Variants in ATP1A4 observed in about 807,000 individuals in gnomAD.
The protein encoded by ATP1A4 is ATPase Na+/K+ transporting subunit alpha 4.
ATP1A4 carries 90 observed loss-of-function variants against 114.3 expected under a neutral mutation model. The observed-to-expected ratio is 0.79, with a 90% CI of 0.66 to 0.94. The LOEUF is 0.94. ATP1A4 is among the 40% of genes least tolerant of loss of function. The pLI is 0.00. For missense variants in ATP1A4, 1,222 were observed against 1,313.6 expected (o/e 0.93, Z 1.08); for synonymous variants, 511 against 494.1 (o/e 1.03, Z -0.45).
chr1:160,161,038 C>T (rs1046343942), intron 6 of ATP1A4, among the ~76,000 whole-genome samples: 14 of 152,044 alleles, frequency 9.2e-5, no homozygotes, highest in African/African-American at 2.2e-4. Flanking sequence ...GGTGGCATTT[C>T]GACTGGGAAG....
rs1653234636 is a variant in ATP1A4 at position 160,171,036 on chromosome 1, G to C, written c.1492-215G>C. On this transcript the variant is annotated intron_variant, in intron 10 of 21. Coordinates refer to ENST00000368081, the MANE Select transcript of ATP1A4 (RefSeq NM_144699.4). ...GGAGCTTCAGGCTGAGAAGATAATGGAGATTCCTGTGCAAATAATACCAGG... is the reference window on the plus strand; with the variant it reads ...GGAGCTTCAGGCTGAGAAGATAATGCAGATTCCTGTGCAAATAATACCAGG... 5 of 466,422 alleles carry C rather than the reference G, an allele frequency of 1.1e-5. No individual in the cohort carries two copies. In the Admixed American group the frequency reaches 1.4e-4, roughly 13 times the overall value. 28.9% of individuals were successfully genotyped at this position (466,422 alleles called of 1,614,324 possible).
At chr1:160,171,226 T>C (rs778070195) in intron 10 of ATP1A4, 25 bp from the exon 11 acceptor site, 5 of 1,597,928 alleles carry the variant, frequency 3.1e-6, no homozygotes, top group Admixed American at 3.4e-5. Context: ...TCCTGTCCCA[T>C]CAGTGCTCCC....
chr1:160,182,147 A>C, intron 20 of ATP1A4, 116 bp downstream of exon 20: 8 of 793,638 alleles, frequency 1.0e-5, no homozygotes, highest in Non-Finnish European at 1.5e-5. Flanking sequence ...ACATGGAGCT[A>C]CATGTACACT....
At chr1:160,177,072 A>G (rs188340214) in intron 17 of ATP1A4, among the ~76,000 whole-genome samples, 1 of 152,358 alleles carries the variant, frequency 6.6e-6, no homozygotes, top group East Asian at 1.9e-4. Context: ...AGTGAAAAAT[A>G]AGACTGTAGA....
intron 2 of ATP1A4, 57 bp downstream of exon 2, chr1:160,153,281 C>A: frequency 6.6e-7 from 1 of 1,504,036 alleles, no homozygotes; most frequent in Non-Finnish European, 9.2e-7. Context: ...TGTGAGGCTG[C>A]CAGGACAAAA....
chr1:160,174,551 T>C lies in ATP1A4; in HGVS notation c.2143-28T>C, dbSNP rs754172633. The C allele has an allele frequency of 1.9e-6, 3 of 1,604,826 alleles. No individual in the cohort carries two copies. The Admixed American group carries it at 5.0e-5, about 27-fold the overall frequency. On this transcript the variant is annotated intron_variant, in intron 14 of 21. Coordinates refer to ENST00000368081, the MANE Select transcript of ATP1A4 (RefSeq NM_144699.4). ...GTTCTGGATCTGATGCAATAAATTGTTCACTCTCTCTGTCTGGACTTCCTC... is the reference window on the plus strand; with the variant it reads ...GTTCTGGATCTGATGCAATAAATTGCTCACTCTCTCTGTCTGGACTTCCTC...
rs1390139484 is a variant in ATP1A4, at chr1:160,174,598, C to T, written c.2162C>T (p.Thr721Ile). ...CCTCAGGGAGCCGTTGTGGCCGTGACAGGTGACGGGGTGAACGACTCCCCT... is the reference window on the plus strand; with the variant it reads ...CCTCAGGGAGCCGTTGTGGCCGTGATAGGTGACGGGGTGAACGACTCCCCT... ...CQRLGAVVAV[T>I]GDGVNDSPAL... Residue 721 changes from threonine to isoleucine, a missense_variant, in exon 15 of 22, where the codon ACA becomes ATA. Thr to Ile is a moderately conservative substitution (Grantham distance 89). Transcript: ENST00000368081. 1 of 1,613,870 alleles carries T rather than the reference C, an allele frequency of 6.2e-7. No homozygotes were observed. The highest frequency in any genetic ancestry group is 8.5e-7 in the Non-Finnish European group (1 of 1,179,888).
Position 160,167,088 on chromosome 1 carries a change from C to G in ATP1A4, c.1356+11C>G. ...CTGCCCATTGCTAAGGTGTCAGGCCCAAGGGGAAGAGGGTACCTCAGTGTC... is the reference window on the plus strand; with the variant it reads ...CTGCCCATTGCTAAGGTGTCAGGCCGAAGGGGAAGAGGGTACCTCAGTGTC... On this transcript the variant is annotated intron_variant, in intron 9 of 21. Coordinates refer to ENST00000368081, the MANE Select transcript of ATP1A4 (RefSeq NM_144699.4). The G allele has an allele frequency of 1.9e-6, 3 of 1,612,904 alleles. No individual in the cohort carries two copies. Among genetic ancestry groups the G allele is most frequent in the Non-Finnish European group, 2.5e-6 (3 of 1,178,924 alleles).
intron 1 of ATP1A4, 113 bp downstream of exon 1, chr1:160,152,300 C>A (rs1652486625): frequency 3.4e-6 from 4 of 1,193,594 alleles, no homozygotes; most frequent in Admixed American, 5.7e-5. Flanking sequence ...CATCTCTTCT[C>A]TGTTAGGCTT....
chr1:160,158,090 C>G (rs4656886), intron 4 of ATP1A4, among the ~76,000 whole-genome samples: 90,640 of 151,970 alleles, frequency 0.6, 27,277 homozygotes, highest in Admixed American at 0.66. Context: ...GGAGTTTAGG[C>G]ATGGTCGGTT....
chr1:160,151,843 C>G lies in ATP1A4; in HGVS notation c.-198C>G, dbSNP rs1330656607. 6 of 568,192 alleles carry G rather than the reference C, an allele frequency of 1.1e-5. No homozygotes were observed. The highest frequency in any genetic ancestry group is 3.1e-5 in the Admixed American group (1 of 32,562). 35.2% of individuals were successfully genotyped at this position (568,192 alleles called of 1,614,324 possible). A position where few individuals can be genotyped will look rare whatever the true frequency, so the allele number is the denominator to read the frequency against. ...GCTGGAGGACCGCTCAGTCTCTCCT[C>G]TCTCACTTCCCTTCCTCTCTCTCAC... On this transcript the variant is annotated 5_prime_UTR_variant, in exon 1 of 22. Transcript: ENST00000368081.
chr1:160,185,957 T>C (rs1571041402), intron 20 of ATP1A4, among the ~76,000 whole-genome samples: 1 of 149,004 alleles, frequency 6.7e-6, no homozygotes, highest in Non-Finnish European at 1.5e-5. Flanking sequence ...TAGCTGGGCG[T>C]GGTGGTGCAC....
At chr1:160,185,362 C>T (rs994661873) in intron 20 of ATP1A4, among the ~76,000 whole-genome samples, 10 of 151,974 alleles carry the variant, frequency 6.6e-5, no homozygotes, top group African/African-American at 2.2e-4. Context: ...CCATCTGCCT[C>T]GGCCTCCCAA....
At chr1:160,173,558 C>T in intron 12 of ATP1A4, 23 bp from the exon 13 acceptor site, 1 of 1,610,100 alleles carries the variant, frequency 6.2e-7, no homozygotes, top group Non-Finnish European at 8.5e-7. Flanking sequence ...TTCTGCTCCT[C>T]TTCCCTCTCC....
Position 160,186,914 on chromosome 1 carries a change from GA to G in ATP1A4, c.*216del, listed in dbSNP as rs2101665219. 1 of 621,566 alleles carries G rather than the reference GA, an allele frequency of 1.6e-6. No individual in the cohort carries two copies. Among genetic ancestry groups the G allele is most frequent in the South Asian group, 1.8e-5 (1 of 54,266 alleles). 38.5% of individuals were successfully genotyped at this position (621,566 alleles called of 1,614,324 possible). A position where few individuals can be genotyped will look rare whatever the true frequency, so the allele number is the denominator to read the frequency against. ...CTGCATCTAGCTGGAGCCCCGCAGG[GA>G]GGGGCATGGTCCTGCTGAATCCCGT... On this transcript the variant is annotated 3_prime_UTR_variant, in exon 22 of 22. Coordinates refer to ENST00000368081, the MANE Select transcript of ATP1A4 (RefSeq NM_144699.4).
At position 160,159,065 on chromosome 1, in the gene ATP1A4, G is replaced by T. The variant is rs146292275; in HGVS notation, c.589G>T (p.Asp197Tyr). 6.2e-6 allele frequency: 10 copies of T among 1,614,020 alleles called. No homozygotes were observed. In the African/African-American group the frequency reaches 1.3e-4, roughly 22 times the overall value. Reference protein sequence around the residue: ...QINVQEVVLGDLVEIKGGDRV... With the variant: ...QINVQEVVLGYLVEIKGGDRV... The stretch of plus-strand genomic sequence containing the variant: ...TAATGTACAAGAGGTGGTGTTGGGA[G>T]ACCTGGTGGAAATCAAGGGTGGAGA... The change falls in exon 5 of 22, where the codon GAC (aspartate) becomes TAC (tyrosine). Residue 197 changes from aspartate to tyrosine, a missense_variant. By Grantham distance (160) the Asp-to-Tyr change is radical. Coordinates refer to ENST00000368081, the MANE Select transcript of ATP1A4 (RefSeq NM_144699.4).
intron 20 of ATP1A4, among the ~76,000 whole-genome samples, chr1:160,184,325 C>T (rs1653809584): frequency 2.0e-5 from 3 of 152,094 alleles, no homozygotes; most frequent in South Asian, 4.2e-4. Context: ...GTGGGGGGAT[C>T]GCTTAAGGCC....
intron 7 of ATP1A4, among the ~76,000 whole-genome samples, chr1:160,165,104 G>A (rs1652982894): frequency 6.6e-6 from 1 of 152,070 alleles, no homozygotes. Flanking sequence ...TCTTCCCTTA[G>A]CCATTCTTCC....
In ATP1A4 at chr1:160,173,592, A is replaced by G. The variant is rs1390038966; in HGVS notation, c.1866A>G (p.Val622=). 1 of 1,614,086 alleles carries G rather than the reference A, an allele frequency of 6.2e-7. No homozygotes were observed. Among genetic ancestry groups the G allele is most frequent in the South Asian group, 1.1e-5 (1 of 91,066 alleles). Residue 622 remains valine (V), a synonymous_variant, in exon 13 of 22, where the codon GTA becomes GTG. Transcript: ENST00000368081. ...CCTTCCCAACCCAGGTGATCATGGTAACAGGAGATCATCCCATTACAGCTA... is the reference window on the plus strand; with the variant it reads ...CCTTCCCAACCCAGGTGATCATGGTGACAGGAGATCATCCCATTACAGCTA... The part of the protein sequence containing the change: ...CRSAGIKVIM[V]TGDHPITAKA...
Sources: gnomAD v4.1 joint callset for allele counts (sites outside exome capture counted in the v4.1 genomes callset) on GRCh38, gnomAD v4.1.1 for gene constraint, MANE v1.5 for transcripts, NCBI Gene and HGNC (gene_info 2026-07-23, HGNC 2026-07-21) for gene names.